Variants in PXDNL observed in about 807,000 individuals in gnomAD.
The protein encoded by PXDNL is peroxidasin like, also known as probable oxidoreductase PXDNL.
A neutral mutation model predicts 150.8 loss-of-function variants in PXDNL; 145 were observed. The ratio of observed to expected loss-of-function variants is 0.96; its 90% CI spans 0.84 to 1.10. The LOEUF (loss-of-function observed/expected upper bound fraction) is 1.10, where lower values mean the gene tolerates loss of function less well. PXDNL is among the 50% of genes least tolerant of loss of function. PXDNL has a pLI of 0.00. For synonymous variants in PXDNL, 757 were observed against 725.7 expected, an observed-to-expected ratio of 1.04 and a Z score of -0.69; for missense variants, 2,087 against 1,873.9, an observed-to-expected ratio of 1.11 and a Z score of -2.10.
At chr8:51,712,788 G>A (rs1013129771) in intron 1 of PXDNL, among the ~76,000 whole-genome samples, 5 of 152,176 alleles carry the variant, frequency 3.3e-5, no homozygotes, top group Non-Finnish European at 7.3e-5. Context: ...CCTGGCAACT[G>A]TTAAAATATT....
At chr8:51,478,816 G>T (rs1810537840) in intron 6 of PXDNL, among the ~76,000 whole-genome samples, 1 of 152,222 alleles carries the variant, frequency 6.6e-6, no homozygotes, top group Admixed American at 6.5e-5. Flanking sequence ...AAATAGGACA[G>T]GAGTTGAGGA....
chr8:51,394,732 GA>G (rs1279228246), intron 17 of PXDNL, among the ~76,000 whole-genome samples: 2 of 152,192 alleles, frequency 1.3e-5, no homozygotes, highest in African/African-American at 4.8e-5. Flanking sequence ...ATCTTGACCT[GA>G]AGGATGTTCA....
chr8:51,490,513 A>C (rs529815619), intron 5 of PXDNL, among the ~76,000 whole-genome samples: 1 of 151,948 alleles, frequency 6.6e-6, no homozygotes, highest in South Asian at 2.1e-4. Flanking sequence ...AATAAAGAAG[A>C]CAGGCTATCA....
intron 3 of PXDNL, among the ~76,000 whole-genome samples, chr8:51,561,160 A>C (rs915130669): frequency 6.6e-6 from 1 of 152,000 alleles, no homozygotes; most frequent in Non-Finnish European, 1.5e-5. Flanking sequence ...GTTGGTAGGA[A>C]TGTAAATTGG....
chr8:51,532,451 A>G (rs1811926345), intron 4 of PXDNL, among the ~76,000 whole-genome samples: 1 of 152,228 alleles, frequency 6.6e-6, no homozygotes, highest in African/African-American at 2.4e-5. Context: ...TACAGCATTA[A>G]TGCCACAATG....
chr8:51,592,596 T>C, intron 3 of PXDNL, 31 bp downstream of exon 3: 1 of 1,376,044 alleles, frequency 7.3e-7, no homozygotes, highest in African/African-American at 1.4e-5. Context: ...AACAACACCA[T>C]AAGGCATTGT....
At chr8:51,715,320 T>C (rs1816592014) in intron 1 of PXDNL, among the ~76,000 whole-genome samples, 1 of 152,164 alleles carries the variant, frequency 6.6e-6, no homozygotes, top group African/African-American at 2.4e-5. Context: ...TGATTTTGAA[T>C]GGCAAAACAG....
intron 1 of PXDNL, among the ~76,000 whole-genome samples, chr8:51,718,093 T>G (rs530243938): frequency 6.6e-6 from 1 of 152,186 alleles, no homozygotes; most frequent in African/African-American, 2.4e-5. Context: ...AATGTCTTGC[T>G]TTTGACACAG....
At chr8:51,504,071 C>G (rs1003911137) in intron 4 of PXDNL, among the ~76,000 whole-genome samples, 1 of 152,130 alleles carries the variant, frequency 6.6e-6, no homozygotes, top group Non-Finnish European at 1.5e-5. Flanking sequence ...CTCCCTCACT[C>G]CCTGTATCTT....
At chr8:51,698,131 G>T (rs1816183250) in intron 1 of PXDNL, among the ~76,000 whole-genome samples, 1 of 152,192 alleles carries the variant, frequency 6.6e-6, no homozygotes, top group South Asian at 2.1e-4. Flanking sequence ...GTTGCTGAAA[G>T]CTTAGGTAGC....
intron 1 of PXDNL, among the ~76,000 whole-genome samples, chr8:51,674,515 A>T (rs13251959): frequency 6.6e-6 from 1 of 152,072 alleles, no homozygotes; most frequent in Non-Finnish European, 1.5e-5. Flanking sequence ...TTCACTTAAC[A>T]TAAGTGACTA....
intron 1 of PXDNL, among the ~76,000 whole-genome samples, chr8:51,689,284 A>C (rs1815939366): frequency 6.7e-6 from 1 of 150,324 alleles, no homozygotes; most frequent in Non-Finnish European, 1.5e-5. Context: ...AGCTCTCTGC[A>C]CTCAGCTCCA....
chr8:51,511,808 T>C (rs146453289), intron 4 of PXDNL, among the ~76,000 whole-genome samples: 1 of 152,252 alleles, frequency 6.6e-6, no homozygotes, highest in Admixed American at 6.5e-5. Flanking sequence ...CTCCCTCTCA[T>C]GGGTACAGTA....
chr8:51,490,801 C>T (rs1320060856), intron 5 of PXDNL, among the ~76,000 whole-genome samples: 1 of 150,894 alleles, frequency 6.6e-6, no homozygotes, highest in African/African-American at 2.4e-5. Flanking sequence ...AAATCCTCAT[C>T]TTCAGAGTGA....
chr8:51,399,990 A>G (rs1263469059), intron 17 of PXDNL, among the ~76,000 whole-genome samples: 2 of 152,252 alleles, frequency 1.3e-5, no homozygotes, highest in Non-Finnish European at 2.9e-5. Context: ...TTGAATATTT[A>G]TAATTGTAAA....
chr8:51,601,264 T>C lies in PXDNL; in HGVS notation c.237-8566A>G, dbSNP rs180872448. ...TGGCCAAGGGTTGTGTTTAAGTCTA[T>C]AGTTTTGTTTTGTTAATTTTCTGCC... On this transcript the variant is annotated intron_variant, in intron 2 of 22. Coordinates refer to ENST00000356297, the MANE Select transcript of PXDNL (RefSeq NM_144651.5). Among the ~76,000 whole-genome samples, 7 of 151,916 alleles carry C rather than the reference T, an allele frequency of 4.6e-5. No individual in the cohort carries two copies. In the East Asian group the frequency reaches 1.4e-3, roughly 29 times the overall value.
At chr8:51,793,971 TA>T (rs2037538084) in intron 1 of PXDNL, among the ~76,000 whole-genome samples, 1 of 151,858 alleles carries the variant, frequency 6.6e-6, no homozygotes, top group African/African-American at 2.4e-5. Flanking sequence ...GAGAGGAGCA[TA>T]AATGACCTGA....
chr8:51,613,460 G>A (rs917772693), intron 2 of PXDNL, among the ~76,000 whole-genome samples: 1 of 114,462 alleles, frequency 8.7e-6, no homozygotes, highest in Non-Finnish European at 1.9e-5. Flanking sequence ...AGAGGATCCG[G>A]GGAAACCTCA....
intron 1 of PXDNL, among the ~76,000 whole-genome samples, chr8:51,659,737 C>T (rs1398523219): frequency 6.6e-6 from 1 of 152,040 alleles, no homozygotes; most frequent in African/African-American, 2.4e-5. Flanking sequence ...AAGCCCAGGC[C>T]TTGTCTAAAA....
Sources: allele counts gnomAD v4.1 joint callset (sites outside exome capture counted in the v4.1 genomes callset), GRCh38; gene constraint gnomAD v4.1.1; transcripts MANE v1.5; gene names NCBI Gene and HGNC (gene_info 2026-07-23, HGNC 2026-07-21).